The following DLGAP4 variants were observed in gnomAD, a reference collection of about 807,000 sequenced individuals.
The protein encoded by DLGAP4 is disks large-associated protein 4.
A neutral mutation model predicts 86.9 loss-of-function variants in DLGAP4; 18 were observed. That is an observed-to-expected ratio of 0.21 (90% CI 0.14 to 0.31). DLGAP4 has a LOEUF of 0.31. Among genes scored for constraint, DLGAP4 ranks in the 10% least tolerant of loss-of-function variants. DLGAP4 has a pLI of 1.00. For missense variants in DLGAP4, 1,085 were observed against 1,362.6 expected, an observed-to-expected ratio of 0.80 and a Z score of 3.21; for synonymous variants, 548 against 574.3, an observed-to-expected ratio of 0.95 and a Z score of 0.65.
intron 1 of DLGAP4, among the ~76,000 whole-genome samples, chr20:36,341,763 A>G (rs891192914): frequency 3.3e-4 from 51 of 152,278 alleles, no homozygotes; most frequent in African/African-American, 1.1e-3. Context: ...ATGGGAGAAC[A>G]AGCTTCTCCC....
At chr20:36,370,812 C>T (rs1473206023) in intron 2 of DLGAP4, among the ~76,000 whole-genome samples, 2 of 152,156 alleles carry the variant, frequency 1.3e-5, no homozygotes, top group Non-Finnish European at 2.9e-5. Flanking sequence ...AGAGCAAGAC[C>T]TTGTCTCTAA....
At chr20:36,375,886 G>A (rs1165459131) in intron 2 of DLGAP4, among the ~76,000 whole-genome samples, 1 of 152,116 alleles carries the variant, frequency 6.6e-6, no homozygotes, top group Non-Finnish European at 1.5e-5. Flanking sequence ...GGGAGCCAAC[G>A]GCAGGTTAGG....
intron 1 of DLGAP4, among the ~76,000 whole-genome samples, chr20:36,314,921 G>A (rs1231626168): frequency 1.5e-4 from 17 of 116,528 alleles, no homozygotes; most frequent in South Asian, 3.6e-4. Context: ...GGTGTGATGC[G>A]TATGTGGTGT....
At chr20:36,389,217 T>C (rs992530720) in intron 2 of DLGAP4, among the ~76,000 whole-genome samples, 7 of 152,172 alleles carry the variant, frequency 4.6e-5, no homozygotes, top group Admixed American at 6.5e-5. Context: ...GATGTGTCAA[T>C]GTGGGGGTCA....
chr20:36,318,223 T>C, intron 1 of DLGAP4, among the ~76,000 whole-genome samples: 1 of 147,088 alleles, frequency 6.8e-6, no homozygotes, highest in Admixed American at 6.8e-5. Context: ...TTAGGCAGAG[T>C]GATAAGGGCT....
At chr20:36,522,753 T>TG (rs1458317706) in intron 10 of DLGAP4, among the ~76,000 whole-genome samples, 1 of 152,182 alleles carries the variant, frequency 6.6e-6, no homozygotes, top group Non-Finnish European at 1.5e-5. Context: ...CCTGACCTTG[T>TG]GATCCACCCG....
chr20:36,388,241 C>T (rs1292027434), intron 2 of DLGAP4, among the ~76,000 whole-genome samples: 4 of 152,146 alleles, frequency 2.6e-5, no homozygotes, highest in Non-Finnish European at 5.9e-5. Context: ...GCTTTGCTGC[C>T]ATCAGTGGAA....
intron 10 of DLGAP4, among the ~76,000 whole-genome samples, chr20:36,515,031 C>A (rs2036954965): frequency 6.6e-6 from 1 of 152,020 alleles, no homozygotes; most frequent in Non-Finnish European, 1.5e-5. Flanking sequence ...AGAGAGGAGG[C>A]CCACCAGTCA....
chr20:36,323,666 G>A (rs913348746), intron 1 of DLGAP4, among the ~76,000 whole-genome samples: 8 of 152,170 alleles, frequency 5.3e-5, no homozygotes, highest in Non-Finnish European at 8.8e-5. Flanking sequence ...TTTTGATAGT[G>A]CCTTACAGCA....
chr20:36,420,764 G>A (rs916723670), intron 2 of DLGAP4, among the ~76,000 whole-genome samples: 14 of 151,314 alleles, frequency 9.3e-5, no homozygotes, highest in African/African-American at 3.4e-4. Context: ...ACCTGAGGTC[G>A]GGAGTTCAAG....
At chr20:36,372,707 A>C (rs4810336) in intron 2 of DLGAP4, among the ~76,000 whole-genome samples, 1 of 152,204 alleles carries the variant, frequency 6.6e-6, no homozygotes, top group Non-Finnish European at 1.5e-5. Flanking sequence ...AAGTAAGTTC[A>C]CTGCACCTTT....
intron 10 of DLGAP4, among the ~76,000 whole-genome samples, chr20:36,502,056 A>G (rs897282810): frequency 3.9e-5 from 6 of 152,110 alleles, no homozygotes; most frequent in African/African-American, 1.2e-4. Flanking sequence ...GACTGATTAT[A>G]TTTCCTCTTT....
chr20:36,514,800 G>A (rs1023757056), intron 10 of DLGAP4, among the ~76,000 whole-genome samples: 7 of 152,028 alleles, frequency 4.6e-5, no homozygotes, highest in Admixed American at 3.9e-4. Context: ...TTATTATGCT[G>A]GAGAGAAAAC....
At chr20:36,342,671 A>T (rs1183173755) in intron 1 of DLGAP4, among the ~76,000 whole-genome samples, 1 of 152,230 alleles carries the variant, frequency 6.6e-6, no homozygotes, top group Non-Finnish European at 1.5e-5. Flanking sequence ...ACCTCTGCCA[A>T]CTGGAAAGGC....
At chr20:36,353,293 G>A (rs1235300488) in intron 1 of DLGAP4, among the ~76,000 whole-genome samples, 1 of 152,190 alleles carries the variant, frequency 6.6e-6, no homozygotes, top group Non-Finnish European at 1.5e-5. Flanking sequence ...ACTGCCCTGC[G>A]GCAGGTCCTG....
intron 1 of DLGAP4, among the ~76,000 whole-genome samples, chr20:36,343,095 G>T (rs1555892655): frequency 2.1e-5 from 3 of 142,542 alleles, no homozygotes; most frequent in Admixed American, 1.3e-4. Flanking sequence ...CTCAGCCCCA[G>T]TTTGGGCCTT....
intron 2 of DLGAP4, among the ~76,000 whole-genome samples, chr20:36,406,347 G>A (rs140990938): frequency 0.038 from 5,581 of 147,138 alleles, 108 homozygotes; most frequent in Middle Eastern, 0.054. Context: ...GCAGTGAGCC[G>A]AGATTGCGCC....
At chr20:36,444,075 G>A (rs947960598) in intron 6 of DLGAP4, among the ~76,000 whole-genome samples, 3 of 152,130 alleles carry the variant, frequency 2.0e-5, no homozygotes, top group Non-Finnish European at 4.4e-5. Context: ...CCATGCCCCC[G>A]GCAGTCACAA....
intron 1 of DLGAP4, among the ~76,000 whole-genome samples, chr20:36,325,719 C>CTT (rs150878228): frequency 1.4e-5 from 2 of 142,356 alleles, no homozygotes; most frequent in Admixed American, 7.1e-5. Flanking sequence ...ACAAAATATA[C>CTT]TTTTTTTTTT....
Sources: gnomAD v4.1 joint callset for allele counts (sites outside exome capture counted in the v4.1 genomes callset) on GRCh38, gnomAD v4.1.1 for gene constraint, MANE v1.5 for transcripts, NCBI Gene and HGNC (gene_info 2026-07-23, HGNC 2026-07-21) for gene names.